NIBAN1: variants seen among roughly 807,000 people sequenced by gnomAD.
NIBAN1 encodes niban apoptosis regulator 1.
A neutral mutation model predicts 75.1 loss-of-function variants in NIBAN1; 81 were observed. The observed-to-expected ratio is 1.08, with a 90% confidence interval of 0.90 to 1.30. The LOEUF is 1.30. Ranked by LOEUF, NIBAN1 falls within the 50% of genes most tolerant of loss-of-function variation. The pLI is 0.00. For synonymous variants in NIBAN1, 436 were observed against 424.8 expected (o/e 1.03, Z -0.32); for missense variants, 1,133 against 1,128.1 (o/e 1.00, Z -0.06).
chr1:184,946,334 A>C (rs759590915), intron 1 of NIBAN1, among the ~76,000 whole-genome samples: 11 of 152,248 alleles, frequency 7.2e-5, no homozygotes, highest in Non-Finnish European at 1.3e-4. Context: ...AAAGAGATTT[A>C]AAGTGAGCCT....
chr1:184,826,405 C>T (rs1331641334), intron 6 of NIBAN1, among the ~76,000 whole-genome samples: 3 of 152,176 alleles, frequency 2.0e-5, no homozygotes, highest in Admixed American at 1.3e-4. Flanking sequence ...AAAGTAATGG[C>T]AAGAACCGCA....
intron 1 of NIBAN1, among the ~76,000 whole-genome samples, chr1:184,931,225 C>T (rs544970902): frequency 9.9e-5 from 15 of 152,214 alleles, no homozygotes; most frequent in Non-Finnish European, 2.2e-4. Flanking sequence ...GTCTCGAACT[C>T]CTGACCTCAG....
At chr1:184,813,561 A>G (rs1262301215) in intron 9 of NIBAN1, among the ~76,000 whole-genome samples, 1 of 152,222 alleles carries the variant, frequency 6.6e-6, no homozygotes, top group Non-Finnish European at 1.5e-5. Flanking sequence ...TAAAGAAAAG[A>G]GATTTTATAT....
chr1:184,873,398 T>C (rs897495580), intron 5 of NIBAN1, among the ~76,000 whole-genome samples: 4 of 152,314 alleles, frequency 2.6e-5, no homozygotes, highest in East Asian at 3.9e-4. Flanking sequence ...CCAAAGGCAA[T>C]TGAGAAACAA....
intron 5 of NIBAN1, among the ~76,000 whole-genome samples, chr1:184,871,023 A>G (rs1173456142): frequency 6.6e-6 from 1 of 152,092 alleles, no homozygotes; most frequent in Non-Finnish European, 1.5e-5. Flanking sequence ...TAAGCCCCCA[A>G]TCCAATATGA....
At chr1:184,911,201 A>G (rs1172097516) in intron 1 of NIBAN1, among the ~76,000 whole-genome samples, 1 of 152,220 alleles carries the variant, frequency 6.6e-6, no homozygotes, top group African/African-American at 2.4e-5. Flanking sequence ...TTCACTTAAT[A>G]TATATTAAAC....
At chr1:184,805,730 A>G (rs1242384267) in intron 11 of NIBAN1, among the ~76,000 whole-genome samples, 1 of 152,110 alleles carries the variant, frequency 6.6e-6, no homozygotes, top group Non-Finnish European at 1.5e-5. Context: ...AGCTGTGGGT[A>G]ATGATGCTGA....
chr1:184,818,489 G>A (rs115215527), intron 9 of NIBAN1, 149 bp downstream of exon 9: 12,948 of 734,330 alleles, frequency 0.018, 146 homozygotes, highest in Middle Eastern at 0.03. Context: ...CTGAATGAAC[G>A]GAAGAAAGGC....
At chr1:184,898,477 G>A (rs1341587760) in intron 2 of NIBAN1, among the ~76,000 whole-genome samples, 2 of 152,088 alleles carry the variant, frequency 1.3e-5, no homozygotes, top group Non-Finnish European at 2.9e-5. Context: ...TTAGCTGGGT[G>A]TGGTGGTGCG....
intron 1 of NIBAN1, among the ~76,000 whole-genome samples, chr1:184,933,977 A>G (rs915893543): frequency 6.6e-6 from 1 of 152,174 alleles, no homozygotes; most frequent in African/African-American, 2.4e-5. Flanking sequence ...CTTTACTGGA[A>G]GTTGGAAGAG....
At chr1:184,828,848 G>A (rs1048115181) in intron 6 of NIBAN1, among the ~76,000 whole-genome samples, 7 of 151,278 alleles carry the variant, frequency 4.6e-5, no homozygotes, top group Non-Finnish European at 1.0e-4. Context: ...CTGTTGCCCA[G>A]TGTAGTGGCA....
chr1:184,909,097 T>C (rs574313326), intron 1 of NIBAN1, among the ~76,000 whole-genome samples: 99 of 152,322 alleles, frequency 6.5e-4, no homozygotes, highest in African/African-American at 2.2e-3. Flanking sequence ...ACTCATTTTA[T>C]CAGGGGCTCT....
At position 184,892,653 on chromosome 1, in the gene NIBAN1, T is replaced by C. The variant is rs929581840; in HGVS notation, c.318+1422A>G. On this transcript the variant is annotated intron_variant, in intron 3 of 13. Transcript: ENST00000367511. ...TAGCCTGTGAAATAAGTTTGTAGTA[T>C]ATTTTATTTCTATTTTCCATCAGAA... Among the ~76,000 whole-genome samples the C allele has an allele frequency of 3.3e-5, 5 of 152,182 alleles. No homozygotes were observed. In the South Asian group the frequency reaches 1.0e-3, roughly 31 times the overall value.
intron 5 of NIBAN1, among the ~76,000 whole-genome samples, chr1:184,838,512 G>A (rs969551874): frequency 1.3e-5 from 2 of 152,178 alleles, no homozygotes; most frequent in Admixed American, 1.3e-4. Context: ...GAACTGTGTA[G>A]GAATGCACTA....
intron 5 of NIBAN1, among the ~76,000 whole-genome samples, chr1:184,833,537 A>G (rs1655053263): frequency 6.6e-6 from 1 of 151,918 alleles, no homozygotes; most frequent in South Asian, 2.1e-4. Context: ...GTGAGACCAC[A>G]TGTCTACAAA....
chr1:184,797,306 A>AT (rs1214051914), intron 13 of NIBAN1, among the ~76,000 whole-genome samples: 2 of 151,674 alleles, frequency 1.3e-5, no homozygotes, highest in South Asian at 2.1e-4. Context: ...TGCCCAGCTA[A>AT]TTTTTTAATA....
intron 1 of NIBAN1, among the ~76,000 whole-genome samples, chr1:184,964,738 A>G (rs1041177412): frequency 6.6e-6 from 1 of 152,228 alleles, no homozygotes; most frequent in African/African-American, 2.4e-5. Context: ...TGTCCTGGCC[A>G]GTGTTGCTCA....
At chr1:184,889,452 T>C (rs536353334) in intron 4 of NIBAN1, among the ~76,000 whole-genome samples, 133 of 152,350 alleles carry the variant, frequency 8.7e-4, no homozygotes, top group Non-Finnish European at 1.6e-3. Flanking sequence ...CTTTTTTTTT[T>C]CACAGTAGCT....
rs1339434295 is a variant in NIBAN1 at position 184,973,558 on chromosome 1, T to G, written c.55+744A>C. ...AAATACGCCCAGGAAATAAAGGAGA[T>G]AACGAGTCAGGACTTCCTGCAGTTT... On this transcript the variant is annotated intron_variant, in intron 1 of 13. Transcript: ENST00000367511. Among the ~76,000 whole-genome samples, 4 of 152,218 alleles carry G rather than the reference T, an allele frequency of 2.6e-5. No homozygotes were observed. The South Asian group carries it at 8.3e-4, about 32-fold the overall frequency.
Sources: gnomAD v4.1 joint callset for allele counts (sites outside exome capture counted in the v4.1 genomes callset) on GRCh38, gnomAD v4.1.1 for gene constraint, MANE v1.5 for transcripts, NCBI Gene and HGNC (gene_info 2026-07-23, HGNC 2026-07-21) for gene names.